TMEM132D: variants seen among roughly 807,000 people sequenced by gnomAD.
TMEM132D encodes the protein mature OL transmembrane protein.
A neutral mutation model predicts 62.3 loss-of-function variants in TMEM132D; 21 were observed. That is an observed-to-expected ratio of 0.34 (90% CI 0.24 to 0.49). TMEM132D has a LOEUF of 0.49. Among genes scored for constraint, TMEM132D ranks in the 20% least tolerant of loss-of-function variants. The pLI is 0.99. For missense variants in TMEM132D, 1,346 were observed against 1,402.8 expected, an observed-to-expected ratio of 0.96 and a Z score of 0.65; for synonymous variants, 621 against 575.6, an observed-to-expected ratio of 1.08 and a Z score of -1.13.
At chr12:129,760,323 C>CTTTTTTTTTTTTTT (rs71082753) in intron 1 of TMEM132D, among the ~76,000 whole-genome samples, 4 of 115,494 alleles carry the variant, frequency 3.5e-5, no homozygotes, top group African/African-American at 1.4e-4. Context: ...AAGCCACTTT[C>CTTTTTTTTTTTTTT]TTTTTTTTTT....
At chr12:129,734,879 G>A (rs1869376555) in intron 1 of TMEM132D, among the ~76,000 whole-genome samples, 1 of 151,986 alleles carries the variant, frequency 6.6e-6, no homozygotes, top group Non-Finnish European at 1.5e-5. Flanking sequence ...GTAACAGCAT[G>A]AAAAGATCAG....
intron 4 of TMEM132D, among the ~76,000 whole-genome samples, chr12:129,314,495 C>A (rs924340938): frequency 1.3e-5 from 2 of 152,118 alleles, no homozygotes; most frequent in South Asian, 4.2e-4. Flanking sequence ...TATACCAGTA[C>A]CATGCTGTTT....
rs202158845 is a variant in TMEM132D, at chr12:129,209,697, C to T, written c.1300-34G>A. On this transcript the variant is annotated intron_variant, in intron 4 of 8. Transcript: ENST00000422113. ...CCAAACACACCCTTCCATCACATCC[C>T]CTCCTGAGACGGCCCAGTCCCTGGG... is the stretch of plus-strand genomic sequence containing the variant. The T allele has an allele frequency of 5.0e-6, 8 of 1,611,814 alleles. No homozygotes were observed. In the South Asian group the frequency reaches 7.7e-5, roughly 16 times the overall value.
intron 3 of TMEM132D, among the ~76,000 whole-genome samples, chr12:129,379,715 A>G (rs1225509397): frequency 1.3e-5 from 2 of 152,216 alleles, no homozygotes; most frequent in Non-Finnish European, 2.9e-5. Flanking sequence ...GTATGCTCTG[A>G]AATCTGTCTA....
chr12:129,467,182 T>C (rs1227754667), intron 3 of TMEM132D, among the ~76,000 whole-genome samples: 1 of 152,216 alleles, frequency 6.6e-6, no homozygotes, highest in Admixed American at 6.5e-5. Flanking sequence ...AACTCTGGCT[T>C]AGACCAAAGA....
intron 1 of TMEM132D, among the ~76,000 whole-genome samples, chr12:129,708,883 G>A (rs1042223408): frequency 3.3e-5 from 5 of 152,040 alleles, no homozygotes; most frequent in Non-Finnish European, 7.4e-5. Flanking sequence ...ATACCTAGAT[G>A]GTACATCATA....
intron 2 of TMEM132D, among the ~76,000 whole-genome samples, chr12:129,570,559 C>T (rs574606055): frequency 1.6e-4 from 25 of 152,272 alleles, no homozygotes; most frequent in African/African-American, 5.8e-4. Flanking sequence ...GTGTGAAACA[C>T]ACACCTCAGA....
chr12:129,806,902 C>A (rs1309728258), intron 1 of TMEM132D, among the ~76,000 whole-genome samples: 1 of 151,866 alleles, frequency 6.6e-6, no homozygotes, highest in Non-Finnish European at 1.5e-5. Flanking sequence ...GGCCTGGTGG[C>A]ACACACCTGT....
chr12:129,239,645 A>G (rs1158966602), intron 4 of TMEM132D, among the ~76,000 whole-genome samples: 6 of 152,174 alleles, frequency 3.9e-5, no homozygotes, highest in Non-Finnish European at 8.8e-5. Context: ...AGAGAATGCC[A>G]TCTGATCACA....
At chr12:129,518,332 AT>A (rs1476963129) in intron 3 of TMEM132D, among the ~76,000 whole-genome samples, 1 of 152,100 alleles carries the variant, frequency 6.6e-6, no homozygotes, top group Non-Finnish European at 1.5e-5. Context: ...GAGAACACAC[AT>A]TTTGTTTCGT....
intron 4 of TMEM132D, among the ~76,000 whole-genome samples, chr12:129,328,332 G>A (rs933847394): frequency 4.6e-5 from 7 of 152,220 alleles, no homozygotes; most frequent in African/African-American, 1.7e-4. Context: ...GTGAGCTCAG[G>A]AAATGCTTTT....
chr12:129,404,169 T>C (rs1871703332), intron 3 of TMEM132D, among the ~76,000 whole-genome samples: 2 of 152,020 alleles, frequency 1.3e-5, no homozygotes, highest in Admixed American at 1.3e-4. Flanking sequence ...TTTTGCATCG[T>C]TGTAAATACC....
chr12:129,572,282 C>A (rs1382178189), intron 2 of TMEM132D, among the ~76,000 whole-genome samples: 5 of 152,226 alleles, frequency 3.3e-5, no homozygotes, highest in Non-Finnish European at 5.9e-5. Context: ...GGTCGTGCTG[C>A]CTTGACGCCG....
intron 3 of TMEM132D, among the ~76,000 whole-genome samples, chr12:129,372,528 G>A (rs772982603): frequency 1.6e-4 from 25 of 152,118 alleles, no homozygotes; most frequent in African/African-American, 3.6e-4. Context: ...ATTTGCAGCC[G>A]CTCCCCATTG....
chr12:129,252,121 G>C (rs1391477805), intron 4 of TMEM132D, among the ~76,000 whole-genome samples: 1 of 152,136 alleles, frequency 6.6e-6, no homozygotes, highest in Non-Finnish European at 1.5e-5. Context: ...TGTGTATCTG[G>C]ATCTACATGA....
chr12:129,320,156 G>T (rs767725033), intron 4 of TMEM132D, among the ~76,000 whole-genome samples: 23 of 152,156 alleles, frequency 1.5e-4, no homozygotes, highest in Admixed American at 3.3e-4. Flanking sequence ...TGCTGAAAAT[G>T]ATCTGCTAAA....
intron 3 of TMEM132D, among the ~76,000 whole-genome samples, chr12:129,391,059 C>T (rs1374856656): frequency 2.0e-5 from 3 of 152,194 alleles, no homozygotes; most frequent in South Asian, 2.1e-4. Flanking sequence ...ACTATTGAAT[C>T]ATTAGATCCT....
chr12:129,302,730 T>G (rs1006916518), intron 4 of TMEM132D, among the ~76,000 whole-genome samples: 3 of 152,234 alleles, frequency 2.0e-5, no homozygotes, highest in African/African-American at 7.2e-5. Flanking sequence ...TAAGCACGTG[T>G]TCAGTGTCAC....
intron 3 of TMEM132D, among the ~76,000 whole-genome samples, chr12:129,369,982 AG>A (rs1423729865): frequency 6.6e-6 from 1 of 152,160 alleles, no homozygotes; most frequent in Non-Finnish European, 1.5e-5. Flanking sequence ...GGACAGTGGC[AG>A]GGGTGGGGGC....
Sources: allele counts gnomAD v4.1 joint callset (sites outside exome capture counted in the v4.1 genomes callset), GRCh38; gene constraint gnomAD v4.1.1; transcripts MANE v1.5; gene names NCBI Gene and HGNC (gene_info 2026-07-23, HGNC 2026-07-21).